The following ARFGAP2 variants were observed in gnomAD, a reference collection of about 807,000 sequenced individuals.
The protein encoded by ARFGAP2 is ARF GTPase activating protein 2, also known as ADP-ribosylation factor GTPase-activating protein 2.
Under a neutral mutation model 71.9 loss-of-function variants are expected in ARFGAP2, and 45 were observed. The ratio of observed to expected loss-of-function variants is 0.63; its 90% CI spans 0.49 to 0.80. The LOEUF is 0.80. ARFGAP2 is among the 30% of genes least tolerant of loss of function. The probability of loss-of-function intolerance (pLI) is 0.00; values close to 1 mark genes in which losing one functional copy is unlikely to be tolerated. For synonymous variants in ARFGAP2, 248 were observed against 249.2 expected, an observed-to-expected ratio of 1.00 and a Z score of 0.05; for missense variants, 633 against 673.9, an observed-to-expected ratio of 0.94 and a Z score of 0.67.
chr11:47,172,012 G>A (rs1952619165), intron 8 of ARFGAP2: 5 of 799,680 alleles, frequency 6.3e-6, no homozygotes, highest in East Asian at 2.7e-5. Context: ...CGGGCCTGAG[G>A]ACGGCAGTTA....
In ARFGAP2 at chr11:47,171,722, C is replaced by A. The variant is rs770708048; in HGVS notation, c.751G>T (p.Ala251Ser). 6.2e-7 allele frequency: 1 copy of A among 1,613,960 alleles called. No individual in the cohort carries two copies. Among genetic ancestry groups the A allele is most frequent in the Admixed American group, 1.7e-5 (1 of 60,028 alleles). The change falls in exon 9 of 16, where the codon GCA becomes TCA. Residue 251 changes from alanine (A) to serine (S), a missense_variant. Coordinates refer to ENST00000524782, the MANE Select transcript of ARFGAP2 (RefSeq NM_032389.6). ...FSEIERQAQV[A>S]EKLREQQAAD... The stretch of plus-strand genomic sequence containing the variant: ...GCCTGCTGCTCACGGAGCTTCTCTG[C>A]CACCTGAGCCTGCCGCTCAATCTCA...
chr11:47,175,801 T>C, intron 3 of ARFGAP2, 50 bp downstream of exon 3: 1 of 1,610,002 alleles, frequency 6.2e-7, no homozygotes, highest in Non-Finnish European at 8.5e-7. Context: ...CGTGCAAAGT[T>C]AGTAACCAGG....
chr11:47,166,036 G>C (rs1463511726), intron 15 of ARFGAP2, among the ~76,000 whole-genome samples: 2 of 152,152 alleles, frequency 1.3e-5, no homozygotes, highest in Non-Finnish European at 2.9e-5. Context: ...AGCTAATTTT[G>C]TATTTTTAGT....
chr11:47,174,918 A>C, intron 5 of ARFGAP2, 97 bp downstream of exon 5: 1 of 1,338,068 alleles, frequency 7.5e-7, no homozygotes, highest in Middle Eastern at 2.4e-4. Context: ...ATCACATCAA[A>C]GCAAATGGAA....
At chr11:47,169,050 A>C (rs1292681692) in intron 10 of ARFGAP2, among the ~76,000 whole-genome samples, 1 of 151,816 alleles carries the variant, frequency 6.6e-6, no homozygotes, top group Non-Finnish European at 1.5e-5. Flanking sequence ...ACCGTGGCTC[A>C]CACCTGTAAT....
rs748272296 is a variant in ARFGAP2, at chr11:47,171,472, T to C, written c.895A>G (p.Lys299Glu). 30 of 1,614,126 alleles carry C rather than the reference T, an allele frequency of 1.9e-5. No homozygotes were observed. The highest frequency in any genetic ancestry group is 2.0e-5 in the Non-Finnish European group (24 of 1,180,046). The change falls in exon 10 of 16, where the codon AAG becomes GAG. Residue 299 changes from lysine (K) to glutamate (E), a missense_variant. Transcript: ENST00000524782. ...EKKLQNLEGK[K>E]REQAERLGMG... ...CCCAACCTTTCTGCCTGCTCTCGCT[T>C]CTTCCCTTCCAGATTCTGTAGCTTC...
Position 47,166,261 on chromosome 11 carries a change from G to A in ARFGAP2, c.1545+7C>T. On this transcript the variant is annotated splice_region_variant and intron_variant, in intron 15 of 15. Coordinates refer to ENST00000524782, the MANE Select transcript of ARFGAP2 (RefSeq NM_032389.6). ...GCACTCCTCATTAGGCCCCACTTCA[G>A]CCTCACCTGCAAGGAATTCATCACA... 1 of 1,613,952 alleles carries A rather than the reference G, an allele frequency of 6.2e-7. No homozygotes were observed. Among genetic ancestry groups the A allele is most frequent in the Non-Finnish European group, 8.5e-7 (1 of 1,179,866 alleles).
chr11:47,170,510 G>A (rs1001910188), intron 10 of ARFGAP2, among the ~76,000 whole-genome samples: 2 of 151,890 alleles, frequency 1.3e-5, no homozygotes, highest in Admixed American at 6.6e-5. Flanking sequence ...AGCCAGACAC[G>A]GTGGTACACA....
At chr11:47,168,850 A>G (rs1952490260) in intron 10 of ARFGAP2, among the ~76,000 whole-genome samples, 1 of 152,102 alleles carries the variant, frequency 6.6e-6, no homozygotes, top group South Asian at 2.1e-4. Context: ...ATTGTGCACC[A>G]GATGCCAGTG....
At position 47,171,924 on chromosome 11, in the gene ARFGAP2, G is replaced by A. The variant is rs891982726; in HGVS notation, c.673-124C>T. On this transcript the variant is annotated intron_variant, in intron 8 of 15. Coordinates refer to ENST00000524782, the MANE Select transcript of ARFGAP2 (RefSeq NM_032389.6). The stretch of plus-strand genomic sequence containing the variant: ...TCTTAAAATTTAGGGTAAAAAACAG[G>A]AGCCCAACCAGCATGGCCAAGACAA... 7.9e-6 allele frequency: 11 copies of A among 1,389,194 alleles called. No homozygotes were observed. The African/African-American group carries it at 1.2e-4, about 15-fold the overall frequency. 86.1% of individuals were successfully genotyped at this position (1,389,194 alleles called of 1,614,324 possible).
chr11:47,171,639 T>C (rs1014660271), intron 9 of ARFGAP2, 25 bp downstream of exon 9: 1 of 1,613,832 alleles, frequency 6.2e-7, no homozygotes. Context: ...CGCAGAAGCC[T>C]GAGGCCCCGG....
chr11:47,172,598 C>T, intron 7 of ARFGAP2: 1 of 1,306,656 alleles, frequency 7.7e-7, no homozygotes, highest in Non-Finnish European at 1.0e-6. Context: ...TCCAAATTCC[C>T]TGAACCAAAA....
At chr11:47,176,738 G>A (rs745437114) in intron 1 of ARFGAP2, 44 bp downstream of exon 1, 4 of 1,612,902 alleles carry the variant, frequency 2.5e-6, no homozygotes, top group East Asian at 2.2e-5. Flanking sequence ...CCTCCCTCAG[G>A]CCCCAGCGGG....
rs764958559 is a variant in ARFGAP2 at position 47,173,773 on chromosome 11, C to G, written c.548G>C (p.Ser183Thr). The change falls in exon 6 of 16, where the codon AGC becomes ACC. Residue 183 changes from serine (S) to threonine (T), a missense_variant. Ser to Thr is a moderately conservative substitution (Grantham distance 58). Coordinates refer to ENST00000524782, the MANE Select transcript of ARFGAP2 (RefSeq NM_032389.6). ...GTQQPAPSTE[S>T]SGLAQPEHGP... is the part of the protein sequence containing the mutation. ...GCTGAACTCACGTGCCAGGCCACTGCTCTCTGTAGACGGGGCTGGCTGCTG... is the reference window on the plus strand; with the variant it reads ...GCTGAACTCACGTGCCAGGCCACTGGTCTCTGTAGACGGGGCTGGCTGCTG... The G allele has an allele frequency of 1.2e-6, 2 of 1,603,646 alleles. No homozygotes were observed. The highest frequency in any genetic ancestry group is 2.7e-5 in the African/African-American group (2 of 74,800).
At chr11:47,167,846 T>A in intron 12 of ARFGAP2, 63 bp downstream of exon 12, 1 of 1,498,158 alleles carries the variant, frequency 6.7e-7, no homozygotes. Context: ...GCCTTAGAAT[T>A]CTCTACCTTC....
At chr11:47,176,232 GCAA>G (rs1208809631) in intron 2 of ARFGAP2, 4 of 585,464 alleles carry the variant, frequency 6.8e-6, no homozygotes, top group South Asian at 2.1e-5. Flanking sequence ...CAACATATCA[GCAA>G]CAACAAGGTC....
chr11:47,165,164 C>T lies in ARFGAP2; in HGVS notation c.*318G>A. 2.8e-6 allele frequency: 1 copy of T among 360,484 alleles called. No homozygotes were observed. Among genetic ancestry groups the T allele is most frequent in the Non-Finnish European group, 5.0e-6 (1 of 201,252 alleles). 22.3% of individuals were successfully genotyped at this position (360,484 alleles called of 1,614,324 possible). A position where few individuals can be genotyped will look rare whatever the true frequency, so the allele number is the denominator to read the frequency against. On this transcript the variant is annotated 3_prime_UTR_variant, in exon 16 of 16. Transcript: ENST00000524782. Reference sequence around the variant, plus strand: ...GGGAAAGTCTGGACCCAGAATAAGCCATCGTGGGGGAACCCCCTTTCCCAG... The same window carrying T: ...GGGAAAGTCTGGACCCAGAATAAGCTATCGTGGGGGAACCCCCTTTCCCAG...
chr11:47,172,798 C>T (rs2135432582), intron 7 of ARFGAP2: 2 of 1,288,490 alleles, frequency 1.6e-6, no homozygotes, highest in East Asian at 1.1e-4. Flanking sequence ...CACCCCAGAG[C>T]CTCCACAGAG....
chr11:47,172,354 C>A (rs760137738), intron 7 of ARFGAP2, 21 bp from the exon 8 acceptor site: 85 of 1,613,940 alleles, frequency 5.3e-5, no homozygotes, highest in Non-Finnish European at 7.1e-5. Flanking sequence ...AACGGGTAGG[C>A]ATGAGCTAAG....
Sources: gnomAD v4.1 joint callset for allele counts (sites outside exome capture counted in the v4.1 genomes callset) on GRCh38, gnomAD v4.1.1 for gene constraint, MANE v1.5 for transcripts, NCBI Gene and HGNC (gene_info 2026-07-23, HGNC 2026-07-21) for gene names.